The following PRSS55 variants were observed in gnomAD, a reference collection of about 807,000 sequenced individuals.
PRSS55 encodes probable serine protease UNQ9391/PRO34284.
Under a neutral mutation model 23.6 loss-of-function variants are expected in PRSS55, and 41 were observed. The ratio of observed to expected loss-of-function variants is 1.74; its 90% CI spans 1.35 to 2.26. PRSS55 has a LOEUF of 2.26. PRSS55 is among the 30% of genes most tolerant of loss of function. PRSS55 has a pLI of 0.00. For synonymous variants in PRSS55, 262 were observed against 175.5 expected (o/e 1.49, Z -3.90); for missense variants, 669 against 439.1 (o/e 1.52, Z -4.68).
chr8:10,532,657 T>C (rs931191414), intron 3 of PRSS55, among the ~76,000 whole-genome samples: 4 of 152,220 alleles, frequency 2.6e-5, no homozygotes, highest in African/African-American at 9.7e-5. Context: ...TGGGGTCAAG[T>C]TGGAAGTCTT....
intron 4 of PRSS55, chr8:10,545,189 C>T: frequency 6.4e-6 from 1 of 155,742 alleles, no homozygotes; most frequent in Non-Finnish European, 1.2e-5. Context: ...AAATAAAATG[C>T]AAGCCCACAC....
At chr8:10,536,248 T>C (rs1350642286) in intron 4 of PRSS55, among the ~76,000 whole-genome samples, 2 of 151,410 alleles carry the variant, frequency 1.3e-5, no homozygotes, top group East Asian at 1.9e-4. Context: ...CCAACAAGCA[T>C]ATGAAAAAAA....
rs772281240 is a variant in PRSS55 at position 10,531,488 on chromosome 8, C to T, written c.541C>T (p.Pro181Ser). Residue 181 changes from proline (P) to serine (S), a missense_variant, in exon 3 of 5, where the codon CCC becomes TCC. By Grantham distance (74) the Pro-to-Ser change is moderately conservative (BLOSUM62 -1). Coordinates refer to ENST00000328655, the MANE Select transcript of PRSS55 (RefSeq NM_198464.4). ...GGTGCCCATCTGCCTCCCCACGCAGCCCGGCCCTGCCACATGGCGCGAATG... is the reference window on the plus strand; with the variant it reads ...GGTGCCCATCTGCCTCCCCACGCAGTCCGGCCCTGCCACATGGCGCGAATG... ...LKVPICLPTQ[P>S]GPATWRECWV... 6.2e-7 allele frequency: 1 copy of T among 1,613,926 alleles called. No individual in the cohort carries two copies. The highest frequency in any genetic ancestry group is 8.5e-7 in the Non-Finnish European group (1 of 1,180,062).
intron 2 of PRSS55, 100 bp from the exon 3 acceptor site, chr8:10,531,195 A>G: frequency 2.1e-6 from 3 of 1,430,898 alleles, no homozygotes; most frequent in Non-Finnish European, 2.9e-6. Flanking sequence ...TAAAGGTCCT[A>G]GAGCTACATG....
Position 10,525,736 on chromosome 8 carries a change from A to C in PRSS55, c.151A>C (p.Ser51Arg), listed in dbSNP as rs770379564. The change falls in exon 1 of 5, where the codon AGT becomes CGT. Residue 51 changes from serine (S) to arginine (R), a missense_variant. Physicochemically the swap from Ser to Arg is moderately radical, Grantham distance 110 (BLOSUM62 -1). Transcript: ENST00000328655. ...PQPPHPPSPV[S>R]ECGDRSIFEG... ...GCCCCCTCATCCCCCCAGCCCAGTCAGTGGTGAGTACAGGGGCAGAAGGGG... is the reference window on the plus strand; with the variant it reads ...GCCCCCTCATCCCCCCAGCCCAGTCCGTGGTGAGTACAGGGGCAGAAGGGG... 3.7e-5 allele frequency: 59 copies of C among 1,603,732 alleles called. No individual in the cohort carries two copies. The East Asian group carries it at 1.3e-3, about 36-fold the overall frequency.
At chr8:10,541,463 A>T (rs1425384824), downstream of PRSS55, 2 of 152,190 alleles carry the variant, frequency 1.3e-5, no homozygotes, top group African/African-American at 4.8e-5. Context: ...TCTGCCTGCC[A>T]GTCTCTAAAC....
chr8:10,543,472 C>CTTTTCT (rs57410388), downstream of PRSS55, among the ~76,000 whole-genome samples: 27 of 29,316 alleles, frequency 9.2e-4, 1 homozygote, highest in Non-Finnish European at 1.5e-3. Context: ...TCCTTTCTTT[C>CTTTTCT]TTTCTCTCTT....
chr8:10,544,772 A>C (rs186011120), intron 4 of PRSS55, among the ~76,000 whole-genome samples: 1 of 152,336 alleles, frequency 6.6e-6, no homozygotes, highest in East Asian at 1.9e-4. Context: ...GTAAGAGATC[A>C]AAACTTTCTT....
In PRSS55 at chr8:10,538,708, C is replaced by G; in HGVS notation, c.974C>G (p.Ser325Trp). ...VKQKPMGSPV[S>W]GVPEPGSPRS... is the part of the protein sequence containing the mutation. ...CAGAAACCTATGGGCTCCCCAGTCT[C>G]GGGAGTCCCAGAGCCAGGCAGCCCC... Residue 325 changes from serine to tryptophan, a missense_variant, in exon 5 of 5, where the codon TCG becomes TGG. Ser to Trp is a radical substitution (Grantham distance 177). Coordinates refer to ENST00000328655, the MANE Select transcript of PRSS55 (RefSeq NM_198464.4). The G allele has an allele frequency of 6.2e-7, 1 of 1,613,942 alleles. No homozygotes were observed. The highest frequency in any genetic ancestry group is 1.1e-5 in the South Asian group (1 of 91,056).
chr8:10,550,028 T>G (rs1472247586), intron 4 of PRSS55, among the ~76,000 whole-genome samples: 1 of 152,176 alleles, frequency 6.6e-6, no homozygotes, highest in African/African-American at 2.4e-5. Context: ...CCATCGATTC[T>G]CCTGCCTCAG....
At chr8:10,547,201 C>A (rs767766903) in intron 4 of PRSS55, among the ~76,000 whole-genome samples, 4 of 152,212 alleles carry the variant, frequency 2.6e-5, no homozygotes, top group Non-Finnish European at 5.9e-5. Context: ...TCTTGCAACA[C>A]TCTTTCCAGA....
chr8:10,532,815 G>T, intron 3 of PRSS55, 91 bp from the exon 4 acceptor site: 3 of 1,524,038 alleles, frequency 2.0e-6, no homozygotes, highest in Non-Finnish European at 1.8e-6. Context: ...GGGGGCTGGG[G>T]GACACAGGGC....
At chr8:10,548,255 G>A (rs971088647) in intron 4 of PRSS55, among the ~76,000 whole-genome samples, 6 of 152,166 alleles carry the variant, frequency 3.9e-5, no homozygotes, top group African/African-American at 1.4e-4. Flanking sequence ...AGGTGGCAGA[G>A]TGACTCCAGA....
At chr8:10,526,441 G>C (rs1354545879) in intron 1 of PRSS55, among the ~76,000 whole-genome samples, 1 of 152,220 alleles carries the variant, frequency 6.6e-6, no homozygotes, top group African/African-American at 2.4e-5. Flanking sequence ...CCAGAACACA[G>C]CAGGTTCACC....
Position 10,549,037 on chromosome 8 carries a change from A to G in PRSS55, c.742-4906A>G, listed in dbSNP as rs117501099. 8.3e-3 allele frequency among the ~76,000 whole-genome samples: 1,269 copies of G among 152,294 alleles called. 48 individuals are homozygous for G. The East Asian group carries it at 0.089, about 11-fold the overall frequency. ...TGCTGTATATACAGGCATAAGCTCA[A>G]TAGATGCAACCAAGGCTAGGTGGCC... On this transcript the variant is annotated intron_variant, in intron 4 of 4. Transcript: ENST00000522210.
chr8:10,533,921 G>C (rs1429550946), intron 4 of PRSS55, among the ~76,000 whole-genome samples: 2 of 152,176 alleles, frequency 1.3e-5, no homozygotes, highest in African/African-American at 4.8e-5. Flanking sequence ...TAGGCTATGA[G>C]AGCCTTGAGA....
At chr8:10,525,938 T>G (rs1812006809) in intron 1 of PRSS55, among the ~76,000 whole-genome samples, 199 bp downstream of exon 1, 1 of 152,222 alleles carries the variant, frequency 6.6e-6, no homozygotes, top group South Asian at 2.1e-4. Flanking sequence ...TTTTGAAACC[T>G]GACACTTTAT....
intron 3 of PRSS55, 92 bp from the exon 4 acceptor site, chr8:10,532,814 G>T: frequency 6.6e-7 from 1 of 1,521,894 alleles, no homozygotes; most frequent in Non-Finnish European, 9.0e-7. Context: ...TGGGGGCTGG[G>T]GGACACAGGG....
At chr8:10,531,260 C>A (rs1812246783) in intron 2 of PRSS55, 35 bp from the exon 3 acceptor site, 1 of 1,609,758 alleles carries the variant, frequency 6.2e-7, no homozygotes, top group Non-Finnish European at 8.5e-7. Flanking sequence ...TTCCCTTCCC[C>A]TTCCACTTGC....
Sources: gnomAD v4.1 joint callset for allele counts (sites outside exome capture counted in the v4.1 genomes callset) on GRCh38, gnomAD v4.1.1 for gene constraint, MANE v1.5 for transcripts, NCBI Gene and HGNC (gene_info 2026-07-23, HGNC 2026-07-21) for gene names.